MAMLD1: variants seen among roughly 807,000 people sequenced by gnomAD.
MAMLD1 encodes mastermind-like domain-containing protein 1.
MAMLD1 carries 14 observed loss-of-function variants against 45.0 expected under a neutral mutation model. That is an observed-to-expected ratio of 0.31 (90% CI 0.21 to 0.49). The LOEUF (loss-of-function observed/expected upper bound fraction) is 0.49. Among genes scored for constraint, MAMLD1 ranks in the 20% least tolerant of loss-of-function variants. The pLI is 0.99. For synonymous variants in MAMLD1, 254 were observed against 247.8 expected (o/e 1.02, Z -0.24); for missense variants, 543 against 603.6 (o/e 0.90, Z 1.05).
chrX:150,421,308 C>T (rs1212209438), intron 1 of MAMLD1, among the ~76,000 whole-genome samples: 1 of 112,137 alleles, frequency 8.9e-6, no homozygotes, highest in Non-Finnish European at 1.9e-5. Flanking sequence ...GCACGGTGCA[C>T]GCACCCACTG....
chrX:150,459,503 G>A (rs1436811631), intron 2 of MAMLD1, among the ~76,000 whole-genome samples: 2 of 108,562 alleles, frequency 1.8e-5, no homozygotes, highest in African/African-American at 3.4e-5. Context: ...TTGAGGACAG[G>A]GCTCTGGAGG....
chrX:150,454,836 A>G (rs1217177364), intron 2 of MAMLD1, among the ~76,000 whole-genome samples: 2 of 109,779 alleles, frequency 1.8e-5, no homozygotes, highest in Non-Finnish European at 3.8e-5. Flanking sequence ...GGCTACCACC[A>G]TCCCACCATC....
chrX:150,388,323 C>T (rs944212281), intron 1 of MAMLD1, among the ~76,000 whole-genome samples: 2 of 111,286 alleles, frequency 1.8e-5, no homozygotes, highest in African/African-American at 6.5e-5. Context: ...CTTTTTTGTA[C>T]TCTTTTTGAT....
chrX:150,482,466 G>T (rs1404563444), intron 5 of MAMLD1, among the ~76,000 whole-genome samples: 2 of 112,429 alleles, frequency 1.8e-5, no homozygotes, highest in Admixed American at 9.4e-5. Context: ...CACTGTGAGT[G>T]CACTTAATGC....
chrX:150,445,754 A>G, intron 2 of MAMLD1, 142 bp downstream of exon 2: 1 of 492,125 alleles, frequency 2.0e-6, no homozygotes, highest in Admixed American at 3.2e-5. Flanking sequence ...AATGTGATCT[A>G]GAAGAGATCT....
At chrX:150,439,310 C>T (rs782334182) in intron 1 of MAMLD1, among the ~76,000 whole-genome samples, 57 of 111,829 alleles carry the variant, frequency 5.1e-4, no homozygotes, top group Non-Finnish European at 8.5e-4. Context: ...TTCTTGATAA[C>T]GTCCTTTGAT....
chrX:150,395,294 G>C (rs1023709495), intron 1 of MAMLD1, among the ~76,000 whole-genome samples: 2 of 111,659 alleles, frequency 1.8e-5, no homozygotes, highest in Non-Finnish European at 3.8e-5. Context: ...TTTGGTCATA[G>C]TATATAATTG....
At chrX:150,439,602 G>C (rs2035228766) in intron 1 of MAMLD1, among the ~76,000 whole-genome samples, 1 of 111,360 alleles carries the variant, frequency 9.0e-6, no homozygotes, top group African/African-American at 3.3e-5. Flanking sequence ...TCATTGAGTG[G>C]TGTTGGCACC....
intron 1 of MAMLD1, among the ~76,000 whole-genome samples, chrX:150,439,273 T>G (rs183608693): frequency 8.9e-6 from 1 of 112,259 alleles, no homozygotes; most frequent in East Asian, 2.8e-4. Flanking sequence ...TGCAAATGTT[T>G]TCTCCCATTC....
intron 5 of MAMLD1, among the ~76,000 whole-genome samples, chrX:150,487,050 T>C (rs1418587113): frequency 1.8e-5 from 2 of 111,658 alleles, no homozygotes; most frequent in African/African-American, 6.5e-5. Flanking sequence ...CAGATACAGG[T>C]GGGGCCCTGG....
chrX:150,473,231 A>G (rs2148305299), intron 4 of MAMLD1, among the ~76,000 whole-genome samples: 1 of 111,935 alleles, frequency 8.9e-6, no homozygotes, highest in South Asian at 3.7e-4. Context: ...TCTCCTGTCC[A>G]ACACCTGCAG....
Position 150,445,614 on chromosome X carries a change from T to G in MAMLD1, c.96+2T>G. ...GAGCCCAGAAAGCTCCAGGAATCGG[T>G]CAGACAATGGGCCATGGGGGGAGGG... On this transcript the variant is annotated splice_donor_variant, in intron 2 of 7. Coordinates refer to ENST00000370401, the MANE Select transcript of MAMLD1 (RefSeq NM_005491.5). LOFTEE classifies it high-confidence loss of function. 1 of 1,173,651 alleles carries G rather than the reference T, an allele frequency of 8.5e-7. No homozygotes were observed. The highest frequency in any genetic ancestry group is 1.2e-6 in the Non-Finnish European group (1 of 861,907).
At chrX:150,414,025 C>A (rs2034187128) in intron 1 of MAMLD1, among the ~76,000 whole-genome samples, 4 of 2,478 alleles carry the variant, frequency 1.6e-3, no homozygotes, top group Non-Finnish European at 2.1e-3. Flanking sequence ...CCACAGAAAA[C>A]TGCAAAAAAA....
At chrX:150,433,269 G>A (rs904168702) in intron 1 of MAMLD1, among the ~76,000 whole-genome samples, 10 of 112,015 alleles carry the variant, frequency 8.9e-5, no homozygotes, top group Non-Finnish European at 5.6e-5. Flanking sequence ...TTTATATTCC[G>A]AAACTTTGCT....
intron 6 of MAMLD1, among the ~76,000 whole-genome samples, chrX:150,507,167 T>G (rs1397396958): frequency 8.9e-6 from 1 of 111,978 alleles, no homozygotes; most frequent in East Asian, 2.8e-4. Context: ...ATAGCTTTGT[T>G]TATAAAAGGC....
intron 1 of MAMLD1, among the ~76,000 whole-genome samples, chrX:150,402,978 C>A (rs782083289): frequency 9.1e-6 from 1 of 109,938 alleles, no homozygotes; most frequent in African/African-American, 3.3e-5. Flanking sequence ...TGCTAGATGA[C>A]GAGTTACTGG....
At chrX:150,466,391 C>G (rs782260002) in intron 3 of MAMLD1, among the ~76,000 whole-genome samples, 4 of 112,135 alleles carry the variant, frequency 3.6e-5, no homozygotes, top group Non-Finnish European at 5.6e-5. Flanking sequence ...TGCATGGCCT[C>G]TGACAAAGTG....
chrX:150,486,920 T>G (rs1053713157), intron 5 of MAMLD1, among the ~76,000 whole-genome samples: 12 of 112,335 alleles, frequency 1.1e-4, no homozygotes, highest in Non-Finnish European at 1.9e-5. Flanking sequence ...TCAGACTCAG[T>G]TTCCTATTCT....
intron 1 of MAMLD1, among the ~76,000 whole-genome samples, chrX:150,399,622 A>G (rs2033664815): frequency 9.0e-6 from 1 of 111,399 alleles, no homozygotes; most frequent in African/African-American, 3.3e-5. Context: ...AGCCATATGA[A>G]GACAGAGGGA....
Sources: allele counts gnomAD v4.1 joint callset (sites outside exome capture counted in the v4.1 genomes callset), GRCh38; gene constraint gnomAD v4.1.1; transcripts MANE v1.5; gene names NCBI Gene and HGNC (gene_info 2026-07-23, HGNC 2026-07-21).